Variants in HIGD1C observed in about 807,000 individuals in gnomAD.
The protein encoded by HIGD1C is HIG1 domain family member 1C.
A neutral mutation model predicts 13.1 loss-of-function variants in HIGD1C; 11 were observed. The observed-to-expected ratio is 0.84, with a 90% CI of 0.53 to 1.39. HIGD1C has a LOEUF of 1.39. HIGD1C is among the 40% of genes most tolerant of loss of function. The pLI, the probability that HIGD1C is intolerant of heterozygous loss-of-function variation, is 0.00. For synonymous variants in HIGD1C, 36 were observed against 37.7 expected, an observed-to-expected ratio of 0.95 and a Z score of 0.17; for missense variants, 110 against 112.0, an observed-to-expected ratio of 0.98 and a Z score of 0.08.
downstream of HIGD1C, among the ~76,000 whole-genome samples, chr12:50,971,189 T>C (rs556400608): frequency 2.4e-3 from 372 of 152,182 alleles, no homozygotes; most frequent in Non-Finnish European, 3.3e-3. Context: ...CACAGACTTT[T>C]TATATCCATG....
downstream of HIGD1C, among the ~76,000 whole-genome samples, chr12:50,971,264 TA>T (rs111786349): frequency 0.098 from 14,979 of 152,230 alleles, 1,150 homozygotes; most frequent in African/African-American, 0.21. Context: ...TACGGTTTCA[TA>T]AACTCCTTTT....
chr12:50,964,377 T>G (rs1939462670), intron 2 of HIGD1C, among the ~76,000 whole-genome samples: 2 of 152,254 alleles, frequency 1.3e-5, no homozygotes, highest in African/African-American at 2.4e-5. Flanking sequence ...ATGCCTAACC[T>G]GGATTATTAG....
the HIGD1C span, among the ~76,000 whole-genome samples, chr12:50,946,060 C>G: frequency 6.6e-6 from 1 of 152,168 alleles, no homozygotes; most frequent in East Asian, 1.9e-4. Context: ...CCCTTCCTTA[C>G]ACCTTATACC....
At chr12:50,947,483 C>G in the HIGD1C span, among the ~76,000 whole-genome samples, 1 of 152,146 alleles carries the variant, frequency 6.6e-6, no homozygotes, top group African/African-American at 2.4e-5. Context: ...TCAAATCTCT[C>G]AACCTGACTT....
chr12:50,966,951 T>A (rs760469763), intron 2 of HIGD1C, among the ~76,000 whole-genome samples: 16 of 152,146 alleles, frequency 1.1e-4, no homozygotes, highest in Admixed American at 2.0e-4. Flanking sequence ...CCCCCATCTC[T>A]GCTAAAAATC....
the HIGD1C span, among the ~76,000 whole-genome samples, chr12:50,939,504 T>A: frequency 1.3e-5 from 2 of 152,120 alleles, no homozygotes; most frequent in Non-Finnish European, 2.9e-5. Context: ...AAGTACCTAC[T>A]AATGATAAAA....
At chr12:50,971,691 T>C (rs755292017), downstream of HIGD1C, among the ~76,000 whole-genome samples, 6 of 152,142 alleles carry the variant, frequency 3.9e-5, no homozygotes, top group Non-Finnish European at 8.8e-5. Context: ...ACTCCAAGCC[T>C]AGGAGAGAAA....
chr12:50,941,205 C>T, the HIGD1C span, among the ~76,000 whole-genome samples: 3 of 151,980 alleles, frequency 2.0e-5, no homozygotes, highest in South Asian at 2.1e-4. Flanking sequence ...CCAGGCTGGT[C>T]GCAAACTCCT....
At chr12:50,934,546 G>A in the HIGD1C span, among the ~76,000 whole-genome samples, 6 of 152,198 alleles carry the variant, frequency 3.9e-5, no homozygotes, top group African/African-American at 9.7e-5. Flanking sequence ...CCCTGCCTGC[G>A]TGGAGCATAC....
chr12:50,940,938 A>C, the HIGD1C span, among the ~76,000 whole-genome samples: 3 of 151,744 alleles, frequency 2.0e-5, no homozygotes, highest in Non-Finnish European at 2.9e-5. Flanking sequence ...TCAACCTCCC[A>C]GGCTCAAGTG....
At chr12:50,942,416 C>T in the HIGD1C span, among the ~76,000 whole-genome samples, 1 of 152,234 alleles carries the variant, frequency 6.6e-6, no homozygotes, top group East Asian at 1.9e-4. Context: ...CTTCTGCACA[C>T]ATCACTCTTT....
chr12:50,970,511 T>G (rs752067491), downstream of HIGD1C: 3 of 1,512,900 alleles, frequency 2.0e-6, no homozygotes, highest in South Asian at 3.6e-5. Flanking sequence ...AAATGAAGCT[T>G]ACATGCTGGA....
the HIGD1C span, among the ~76,000 whole-genome samples, chr12:50,936,179 A>G: frequency 6.8e-6 from 1 of 147,412 alleles, no homozygotes; most frequent in African/African-American, 2.5e-5. Context: ...AAAAAAATGT[A>G]CCTCACACTG....
the HIGD1C span, among the ~76,000 whole-genome samples, chr12:50,947,743 A>G: frequency 6.6e-6 from 1 of 152,224 alleles, no homozygotes; most frequent in Non-Finnish European, 1.5e-5. Context: ...ACCAGCAAAT[A>G]TATAAAAGAT....
the HIGD1C span, among the ~76,000 whole-genome samples, chr12:50,943,752 C>T: frequency 6.6e-6 from 1 of 151,986 alleles, no homozygotes; most frequent in East Asian, 1.9e-4. Context: ...TCTAGGTATA[C>T]TCCCACAGGC....
intron 1 of HIGD1C, chr12:50,954,309 A>G: frequency 2.3e-6 from 1 of 440,260 alleles, no homozygotes; most frequent in Non-Finnish European, 4.0e-6. Flanking sequence ...ATTTTATTCT[A>G]TTTTATCCAT....
At chr12:50,947,328 G>A in the HIGD1C span, among the ~76,000 whole-genome samples, 22 of 152,284 alleles carry the variant, frequency 1.4e-4, no homozygotes, top group Admixed American at 3.3e-4. Flanking sequence ...GGTCTCACTA[G>A]GCTACAGTCA....
At chr12:50,966,062 GCTTA>G (rs1018879307) in intron 2 of HIGD1C, among the ~76,000 whole-genome samples, 2 of 152,272 alleles carry the variant, frequency 1.3e-5, no homozygotes. Context: ...GATCTCTGTG[GCTTA>G]CTTAGACTAT....
At chr12:50,941,134 G>A in the HIGD1C span, among the ~76,000 whole-genome samples, 1 of 152,002 alleles carries the variant, frequency 6.6e-6, no homozygotes, top group African/African-American at 2.4e-5. Context: ...CCAAAGTGCT[G>A]AGCCACCATA....
Sources: gnomAD v4.1 joint callset for allele counts (sites outside exome capture counted in the v4.1 genomes callset) on GRCh38, gnomAD v4.1.1 for gene constraint, MANE v1.5 for transcripts, NCBI Gene and HGNC (gene_info 2026-07-23, HGNC 2026-07-21) for gene names.